The following FHIT variants were observed in gnomAD, a reference collection of about 807,000 sequenced individuals.
FHIT encodes the protein bis(5'-adenosyl)-triphosphatase.
In FHIT, 19 loss-of-function variants were observed where a neutral mutation model predicts 17.9. The observed-to-expected ratio is 1.06, with a 90% CI of 0.74 to 1.56. The LOEUF is 1.56. Ranked by LOEUF, FHIT falls within the 40% of genes most tolerant of loss-of-function variation. FHIT has a pLI of 0.00. For missense variants in FHIT, 248 were observed against 189.2 expected, an observed-to-expected ratio of 1.31 and a Z score of -1.82; for synonymous variants, 81 against 69.7, an observed-to-expected ratio of 1.16 and a Z score of -0.81.
intron 3 of FHIT, among the ~76,000 whole-genome samples, chr3:61,026,053 T>C (rs2032714980): frequency 6.6e-6 from 1 of 152,212 alleles, no homozygotes; most frequent in Admixed American, 6.5e-5. Context: ...GATAGGATCA[T>C]ACATCATTTT....
chr3:61,187,568 GC>G (rs2038558684), intron 2 of FHIT, among the ~76,000 whole-genome samples: 1 of 152,142 alleles, frequency 6.6e-6, no homozygotes, highest in Admixed American at 6.5e-5. Context: ...ACTCAGCTCT[GC>G]AGCAAGCGGA....
rs980422303 is a variant in FHIT at position 60,210,429 on chromosome 3, A to G, written c.104-196277T>C. On this transcript the variant is annotated intron_variant, in intron 5 of 9. Transcript: ENST00000492590. ...TAACAATTATTTAAAATCCCAAAGT[A>G]ATAAGGAAAAACATGGATACCAGTG... Among the ~76,000 whole-genome samples the G allele has an allele frequency of 2.6e-5, 4 of 152,220 alleles. No homozygotes were observed. The East Asian group carries it at 7.7e-4, about 29-fold the overall frequency.
chr3:60,098,524 A>G (rs1005803165), intron 5 of FHIT, among the ~76,000 whole-genome samples: 2 of 151,800 alleles, frequency 1.3e-5, no homozygotes, highest in African/African-American at 2.4e-5. Flanking sequence ...CTTTTGAGAA[A>G]TGTCTGTTCA....
intron 2 of FHIT, among the ~76,000 whole-genome samples, chr3:61,123,329 C>T (rs1329507582): frequency 1.3e-5 from 2 of 152,218 alleles, no homozygotes; most frequent in Admixed American, 6.5e-5. Flanking sequence ...GGGAGGGGAA[C>T]ATCACACACT....
intron 3 of FHIT, among the ~76,000 whole-genome samples, chr3:60,881,803 G>C (rs1293719949): frequency 6.6e-6 from 1 of 151,854 alleles, no homozygotes; most frequent in African/African-American, 2.4e-5. Context: ...CATCAAAAGA[G>C]TAGAAAGACT....
intron 5 of FHIT, among the ~76,000 whole-genome samples, chr3:60,233,791 G>C (rs1020555099): frequency 2.0e-5 from 3 of 152,182 alleles, no homozygotes; most frequent in East Asian, 1.9e-4. Flanking sequence ...TAGTGAGTAA[G>C]TCCCACAGGA....
intron 4 of FHIT, among the ~76,000 whole-genome samples, chr3:60,566,308 G>A (rs778849322): frequency 2.6e-4 from 39 of 152,044 alleles, no homozygotes; most frequent in East Asian, 1.2e-3. Flanking sequence ...TTCAACATAC[G>A]CAAATCAATA....
At chr3:60,659,721 A>G (rs2040196711) in intron 4 of FHIT, among the ~76,000 whole-genome samples, 1 of 152,098 alleles carries the variant, frequency 6.6e-6, no homozygotes, top group Admixed American at 6.6e-5. Context: ...TCTTTAAGAT[A>G]CTTGTTTTAG....
chr3:60,314,476 C>T (rs1709080861), intron 5 of FHIT, among the ~76,000 whole-genome samples: 1 of 152,120 alleles, frequency 6.6e-6, no homozygotes, highest in Non-Finnish European at 1.5e-5. Context: ...CATAATTTTT[C>T]ACCTCAAAAG....
At chr3:60,002,951 A>T (rs965084208) in intron 7 of FHIT, among the ~76,000 whole-genome samples, 1 of 152,184 alleles carries the variant, frequency 6.6e-6, no homozygotes, top group Non-Finnish European at 1.5e-5. Context: ...TCAAGAAGCT[A>T]CTTCATGGGC....
chr3:60,426,357 G>A (rs190683148), intron 5 of FHIT, among the ~76,000 whole-genome samples: 3 of 152,170 alleles, frequency 2.0e-5, no homozygotes, highest in East Asian at 1.9e-4. Context: ...GTCCTAGGAC[G>A]GTTTAAGCAG....
intron 3 of FHIT, among the ~76,000 whole-genome samples, chr3:61,024,158 A>T (rs2032609936): frequency 6.6e-6 from 1 of 152,112 alleles, no homozygotes; most frequent in African/African-American, 2.4e-5. Context: ...GTTACCCAAG[A>T]ATATAACTTC....
intron 7 of FHIT, among the ~76,000 whole-genome samples, chr3:59,935,964 C>T (rs7644553): frequency 0.99 from 150,572 of 152,318 alleles, 74,444 homozygotes; most frequent in Middle Eastern, 1. Flanking sequence ...TTCTTCCCCA[C>T]TGAAAAGTAT....
chr3:60,234,146 A>G (rs1038685627), intron 5 of FHIT, among the ~76,000 whole-genome samples: 5 of 152,210 alleles, frequency 3.3e-5, no homozygotes, highest in African/African-American at 7.2e-5. Context: ...TAGGATTCCA[A>G]TGATGACACA....
chr3:60,355,369 G>T (rs1477684419), intron 5 of FHIT, among the ~76,000 whole-genome samples: 1 of 151,904 alleles, frequency 6.6e-6, no homozygotes, highest in Non-Finnish European at 1.5e-5. Flanking sequence ...CCAACTTAAT[G>T]ACTTCTTCTT....
chr3:60,477,649 A>G (rs1328074667), intron 5 of FHIT, among the ~76,000 whole-genome samples: 1 of 152,242 alleles, frequency 6.6e-6, no homozygotes, highest in East Asian at 1.9e-4. Flanking sequence ...GATGAATTTC[A>G]TGCCAAAAGA....
chr3:60,678,122 C>T (rs1214744872), intron 4 of FHIT, among the ~76,000 whole-genome samples: 1 of 152,034 alleles, frequency 6.6e-6, no homozygotes, highest in Non-Finnish European at 1.5e-5. Flanking sequence ...TTAACTTATC[C>T]TTGGTATTGT....
intron 5 of FHIT, among the ~76,000 whole-genome samples, chr3:60,241,156 C>T (rs187675361): frequency 6.6e-6 from 1 of 152,246 alleles, no homozygotes; most frequent in East Asian, 1.9e-4. Context: ...ATTTATTCCT[C>T]TGTGGATTCC....
At chr3:60,645,311 G>C (rs1206138922) in intron 4 of FHIT, among the ~76,000 whole-genome samples, 4 of 152,112 alleles carry the variant, frequency 2.6e-5, no homozygotes, top group Non-Finnish European at 4.4e-5. Flanking sequence ...CAAGCAGTTG[G>C]CCAGCCCCTC....
Sources: gnomAD v4.1 joint callset for allele counts (sites outside exome capture counted in the v4.1 genomes callset) on GRCh38, gnomAD v4.1.1 for gene constraint, MANE v1.5 for transcripts, NCBI Gene and HGNC (gene_info 2026-07-23, HGNC 2026-07-21) for gene names.